Variants in ZFYVE9 observed in about 807,000 individuals in gnomAD.
ZFYVE9 encodes the protein zinc finger FYVE-type containing 9.
A neutral mutation model predicts 126.7 loss-of-function variants in ZFYVE9; 43 were observed. The ratio of observed to expected loss-of-function variants is 0.34; its 90% confidence interval spans 0.27 to 0.44. The LOEUF is 0.44. Ranked by LOEUF, ZFYVE9 falls within the 20% of genes least tolerant of loss-of-function variation. ZFYVE9 has a pLI of 1.00. For synonymous variants in ZFYVE9, 521 were observed against 597.4 expected (o/e 0.87, Z 1.87); for missense variants, 1,476 against 1,697.0 (o/e 0.87, Z 2.29).
chr1:52,189,580 C>T (rs886283237), intron 1 of ZFYVE9, among the ~76,000 whole-genome samples: 2 of 152,060 alleles, frequency 1.3e-5, no homozygotes, highest in African/African-American at 2.4e-5. Flanking sequence ...GCCATGTTGG[C>T]CAGGCTGGTC....
intron 13 of ZFYVE9, among the ~76,000 whole-genome samples, chr1:52,314,230 A>C (rs1205285233): frequency 6.6e-6 from 1 of 152,240 alleles, no homozygotes; most frequent in Non-Finnish European, 1.5e-5. Flanking sequence ...TTGAGGGAAG[A>C]AATCTTCCTT....
chr1:52,240,653 G>C (rs751893478), intron 4 of ZFYVE9, among the ~76,000 whole-genome samples: 1 of 152,062 alleles, frequency 6.6e-6, no homozygotes, highest in Non-Finnish European at 1.5e-5. Flanking sequence ...AAGTTCTCTC[G>C]GTCTTCCCCT....
At chr1:52,203,988 T>A (rs2124574208) in intron 1 of ZFYVE9, among the ~76,000 whole-genome samples, 1 of 152,320 alleles carries the variant, frequency 6.6e-6, no homozygotes, top group East Asian at 1.9e-4. Context: ...GCCCTTAGCA[T>A]ATTAATTATA....
At chr1:52,222,324 T>C (rs142415110) in intron 2 of ZFYVE9, among the ~76,000 whole-genome samples, 3 of 152,354 alleles carry the variant, frequency 2.0e-5, no homozygotes, top group Non-Finnish European at 4.4e-5. Flanking sequence ...TACTGTTGTT[T>C]TCTATCAGAG....
At chr1:52,312,978 CTTAT>C (rs1426887441) in intron 13 of ZFYVE9, among the ~76,000 whole-genome samples, 1 of 151,930 alleles carries the variant, frequency 6.6e-6, no homozygotes, top group Admixed American at 6.6e-5. Flanking sequence ...GACTGGTGTC[CTTAT>C]AAGAAGGGGA....
intron 1 of ZFYVE9, among the ~76,000 whole-genome samples, chr1:52,182,451 C>T (rs559047614): frequency 4.1e-4 from 62 of 152,234 alleles, no homozygotes; most frequent in African/African-American, 1.4e-3. Flanking sequence ...TGACCTTACC[C>T]CGAACCCTGT....
chr1:52,317,094 G>A (rs571058912), intron 13 of ZFYVE9, among the ~76,000 whole-genome samples: 11 of 151,926 alleles, frequency 7.2e-5, no homozygotes, highest in African/African-American at 2.7e-4. Context: ...ATAATCCATG[G>A]GTCAAAGAAT....
intron 10 of ZFYVE9, among the ~76,000 whole-genome samples, chr1:52,284,254 A>G (rs929462532): frequency 6.6e-6 from 1 of 152,156 alleles, no homozygotes; most frequent in Non-Finnish European, 1.5e-5. Context: ...CTGAGTTAAA[A>G]TACAGATTTT....
chr1:52,230,966 G>A (rs1185506666), intron 2 of ZFYVE9, among the ~76,000 whole-genome samples: 1 of 152,120 alleles, frequency 6.6e-6, no homozygotes, highest in East Asian at 1.9e-4. Flanking sequence ...CTTGATTACA[G>A]TATAGATGCA....
chr1:52,183,029 GATTGAAAGTAAGA>G lies in ZFYVE9; in HGVS notation c.-142-33327_-142-33315del, dbSNP rs555987984. Among the ~76,000 whole-genome samples, 4 of 152,248 alleles carry G rather than the reference GATTGAAAGTAAGA, an allele frequency of 2.6e-5. No individual in the cohort carries two copies. The South Asian group carries it at 8.3e-4, about 32-fold the overall frequency. The stretch of plus-strand genomic sequence containing the variant: ...GACCTTAGGTAGAGCAGTTTTAGTA[GATTGAAAGTAAGA>G]ATTGAAAGTAAGTAAAGGTCAGTAA... On this transcript the variant is annotated intron_variant, in intron 1 of 18. Coordinates refer to ENST00000287727, the MANE Select transcript of ZFYVE9 (RefSeq NM_004799.4).
chr1:52,165,544 C>T (rs183196061), intron 1 of ZFYVE9, among the ~76,000 whole-genome samples: 46 of 152,108 alleles, frequency 3.0e-4, no homozygotes, highest in Admixed American at 8.5e-4. Flanking sequence ...TTAGATGGCC[C>T]GCAGAATCAC....
intron 13 of ZFYVE9, among the ~76,000 whole-genome samples, chr1:52,324,789 C>T (rs1053612265): frequency 2.0e-5 from 3 of 152,184 alleles, no homozygotes; most frequent in African/African-American, 7.2e-5. Context: ...ATCTTCCTGT[C>T]TAAAGCCTTT....
intron 1 of ZFYVE9, among the ~76,000 whole-genome samples, chr1:52,154,227 C>T (rs943595697): frequency 6.6e-6 from 1 of 152,192 alleles, no homozygotes; most frequent in Non-Finnish European, 1.5e-5. Flanking sequence ...AATGTCTAAT[C>T]CTGTGAAGAT....
At position 52,304,371 on chromosome 1, in the gene ZFYVE9, T is replaced by A. The variant is rs549693614; in HGVS notation, c.3438+446T>A. 2.6e-5 allele frequency among the ~76,000 whole-genome samples: 4 copies of A among 152,248 alleles called. No individual in the cohort carries two copies. In the South Asian group the frequency reaches 8.3e-4, roughly 32 times the overall value. On this transcript the variant is annotated intron_variant, in intron 13 of 18. Transcript: ENST00000287727. Reference sequence around the variant, plus strand: ...TCTGCCTCCTGGGTTCAAGTGATTCTTCTGCCTCAGCCTCCCAAGTAGCTG... The same window carrying A: ...TCTGCCTCCTGGGTTCAAGTGATTCATCTGCCTCAGCCTCCCAAGTAGCTG...
intron 1 of ZFYVE9, among the ~76,000 whole-genome samples, chr1:52,183,399 A>G (rs561329440): frequency 6.6e-6 from 1 of 152,380 alleles, no homozygotes; most frequent in South Asian, 2.1e-4. Context: ...ATAGGAAACT[A>G]AGAGATTTTC....
At chr1:52,283,667 G>A (rs1645826349) in intron 10 of ZFYVE9, among the ~76,000 whole-genome samples, 1 of 152,148 alleles carries the variant, frequency 6.6e-6, no homozygotes, top group African/African-American at 2.4e-5. Flanking sequence ...TTAATCTTTG[G>A]TGATAGAAAT....
intron 1 of ZFYVE9, among the ~76,000 whole-genome samples, chr1:52,177,798 A>G (rs1422197664): frequency 6.6e-6 from 1 of 152,236 alleles, no homozygotes; most frequent in Non-Finnish European, 1.5e-5. Context: ...TATGTGGAAC[A>G]ACATATGCTA....
intron 12 of ZFYVE9, among the ~76,000 whole-genome samples, chr1:52,302,303 C>T (rs1346464790): frequency 6.6e-6 from 1 of 152,090 alleles, no homozygotes; most frequent in Non-Finnish European, 1.5e-5. Context: ...TTAGAAAAAC[C>T]CTCCATCTCA....
chr1:52,218,536 T>C lies in ZFYVE9; in HGVS notation c.-37+2062T>C, dbSNP rs777886167. ...AGGCTGTGGGGTGCTGGAAGAGAGC[T>C]ACCATACAGTCTTTGCCTGATGGAT... On this transcript the variant is annotated intron_variant, in intron 2 of 18. Coordinates refer to ENST00000287727, the MANE Select transcript of ZFYVE9 (RefSeq NM_004799.4). 9.2e-5 allele frequency among the ~76,000 whole-genome samples: 14 copies of C among 152,264 alleles called. No homozygotes were observed. In the Middle Eastern group the frequency reaches 0.01, roughly 111 times the overall value.
Sources: allele counts gnomAD v4.1 joint callset (sites outside exome capture counted in the v4.1 genomes callset), GRCh38; gene constraint gnomAD v4.1.1; transcripts MANE v1.5; gene names NCBI Gene and HGNC (gene_info 2026-07-23, HGNC 2026-07-21).